Variants in ZNF569 observed in about 807,000 individuals in gnomAD.
ZNF569 encodes the protein DNA-binding protein.
ZNF569 carries 38 observed loss-of-function variants against 56.3 expected under a neutral mutation model. That is an observed-to-expected ratio of 0.68 (90% CI 0.52 to 0.88). ZNF569 has a LOEUF of 0.88. Among genes scored for constraint, ZNF569 ranks in the 40% least tolerant of loss-of-function variants. The pLI is 0.00. For missense variants in ZNF569, 666 were observed against 809.2 expected (o/e 0.82, Z 2.15); for synonymous variants, 241 against 262.9 (o/e 0.92, Z 0.81).
intron 2 of ZNF569, among the ~76,000 whole-genome samples, chr19:37,463,514 T>G (rs191154728): frequency 8.5e-5 from 13 of 152,218 alleles, no homozygotes; most frequent in African/African-American, 3.1e-4. Flanking sequence ...TATTATTGAT[T>G]ATTGATCATG....
intron 2 of ZNF569, among the ~76,000 whole-genome samples, chr19:37,464,748 C>A (rs1236443318): frequency 6.6e-6 from 1 of 152,196 alleles, no homozygotes; most frequent in Non-Finnish European, 1.5e-5. Flanking sequence ...GTATCCCCAT[C>A]ATTAAGCAAC....
At position 37,414,127 on chromosome 19, in the gene ZNF569, GC is replaced by G; in HGVS notation, c.530del (p.Ser177ThrfsTer29). The G allele has an allele frequency of 6.2e-7, 1 of 1,613,752 alleles. No individual in the cohort carries two copies. The highest frequency in any genetic ancestry group is 8.5e-7 in the Non-Finnish European group (1 of 1,179,890). ...YNEPVKSYGN[S>X]SSHFVITPFK... is the part of the protein sequence containing the mutation. Reference sequence around the variant, plus strand: ...AGGGGGTAATGACAAAATGGGATGAGCTATTACCATATGATTTCACAGGTTC... The same window carrying G: ...AGGGGGTAATGACAAAATGGGATGAGTATTACCATATGATTTCACAGGTTC... On this transcript the variant is annotated frameshift_variant, in exon 6 of 6. Coordinates refer to ENST00000316950, the MANE Select transcript of ZNF569 (RefSeq NM_152484.3). LOFTEE classifies it high-confidence loss of function.
chr19:37,467,867 G>T, upstream of ZNF569: 1 of 1,536,024 alleles, frequency 6.5e-7, no homozygotes, highest in Admixed American at 2.0e-5. Flanking sequence ...GTTTGATTCT[G>T]ACCTTGCAGT....
upstream of ZNF569, chr19:37,468,079 T>TC: frequency 2.7e-6 from 2 of 737,982 alleles, no homozygotes; most frequent in South Asian, 3.6e-5. Context: ...GTGTTTTTTT[T>TC]TTTTTGTTTG....
intron 2 of ZNF569, among the ~76,000 whole-genome samples, chr19:37,446,104 T>A (rs192191657): frequency 1.3e-5 from 2 of 152,228 alleles, no homozygotes; most frequent in Non-Finnish European, 2.9e-5. Flanking sequence ...AAAACAGGCA[T>A]ATAGACCAAT....
chr19:37,456,301 A>C lies in ZNF569; in HGVS notation c.-44+9012T>G, dbSNP rs190241083. Among the ~76,000 whole-genome samples, 400 of 152,212 alleles carry C rather than the reference A, an allele frequency of 2.6e-3. 3 individuals are homozygous for C. The highest frequency in any genetic ancestry group is 9.4e-3 in the African/African-American group (389 of 41,528). On this transcript the variant is annotated intron_variant, in intron 2 of 5. Coordinates refer to ENST00000316950, the MANE Select transcript of ZNF569 (RefSeq NM_152484.3). Reference sequence around the variant, plus strand: ...TATATCACGGACATACGGTCATTTCAATCCGTATATTTATTGTTCTCTTCT... The same window carrying C: ...TATATCACGGACATACGGTCATTTCCATCCGTATATTTATTGTTCTCTTCT...
intron 2 of ZNF569, among the ~76,000 whole-genome samples, chr19:37,453,398 A>G (rs1351746174): frequency 1.3e-5 from 2 of 152,154 alleles, no homozygotes; most frequent in African/African-American, 2.4e-5. Flanking sequence ...AAGGTGAGGA[A>G]GGGTCCAAGT....
Position 37,412,940 on chromosome 19 carries a change from G to A in ZNF569, c.1718C>T (p.Thr573Ile). The stretch of plus-strand genomic sequence containing the variant: ...ATTACATACATAGGGCTTCTCACCT[G>A]TGTGACTTCTCATATGTAAATTAAG... ...SLLNLHMRSH[T>I]GEKPYVCNEC... The change falls in exon 6 of 6, where the codon ACA (threonine) becomes ATA (isoleucine). Residue 573 changes from threonine to isoleucine, a missense_variant. Transcript: ENST00000316950. 2 of 1,613,844 alleles carry A rather than the reference G, an allele frequency of 1.2e-6. No individual in the cohort carries two copies. Among genetic ancestry groups the A allele is most frequent in the South Asian group, 2.2e-5 (2 of 91,034 alleles).
chr19:37,418,788 C>T (rs1159272708), intron 5 of ZNF569, among the ~76,000 whole-genome samples: 1 of 152,040 alleles, frequency 6.6e-6, no homozygotes, highest in African/African-American at 2.4e-5. Flanking sequence ...AGAAATGGAA[C>T]CAGATAGACT....
intron 2 of ZNF569, among the ~76,000 whole-genome samples, chr19:37,455,278 G>A (rs1015849): frequency 0.21 from 31,850 of 151,976 alleles, 3,567 homozygotes; most frequent in South Asian, 0.32. Flanking sequence ...CAGAAAAGAC[G>A]GAATTCAGTA....
Position 37,413,415 on chromosome 19 carries a change from A to G in ZNF569, c.1243T>C (p.Cys415Arg). The change falls in exon 6 of 6, where the codon TGC becomes CGC. Residue 415 changes from cysteine (C) to arginine (R), a missense_variant. Coordinates refer to ENST00000316950, the MANE Select transcript of ZNF569 (RefSeq NM_152484.3). ...TGEKPYECKE[C>R]RKAFSHKKNF... Reference sequence around the variant, plus strand: ...TTCTTGTGGCTGAAGGCTTTTCTGCATTCCTTACATTCATAGGGTTTCTCA... The same window carrying G: ...TTCTTGTGGCTGAAGGCTTTTCTGCGTTCCTTACATTCATAGGGTTTCTCA... 1 of 1,613,538 alleles carries G rather than the reference A, an allele frequency of 6.2e-7. No individual in the cohort carries two copies. Among genetic ancestry groups the G allele is most frequent in the Non-Finnish European group, 8.5e-7 (1 of 1,179,822 alleles).
At chr19:37,451,341 A>G (rs776598538) in intron 2 of ZNF569, among the ~76,000 whole-genome samples, 12 of 149,768 alleles carry the variant, frequency 8.0e-5, no homozygotes, top group Non-Finnish European at 1.8e-4. Context: ...CGGAGGTTGC[A>G]GTGAGCCGAG....
intron 5 of ZNF569, among the ~76,000 whole-genome samples, chr19:37,416,534 T>C (rs1470739883): frequency 6.6e-6 from 1 of 152,200 alleles, no homozygotes; most frequent in Non-Finnish European, 1.5e-5. Context: ...TATTTTCTTA[T>C]AACTTATGTG....
chr19:37,439,827 C>T (rs964276189), intron 3 of ZNF569, among the ~76,000 whole-genome samples: 23 of 152,166 alleles, frequency 1.5e-4, no homozygotes, highest in African/African-American at 5.1e-4. Context: ...CTCACATGTT[C>T]TCACTTATTT....
At chr19:37,464,469 C>T (rs979951818) in intron 2 of ZNF569, among the ~76,000 whole-genome samples, 21 of 152,156 alleles carry the variant, frequency 1.4e-4, no homozygotes, top group Admixed American at 1.0e-3. Flanking sequence ...GATTCCACCG[C>T]GCCTGGCCCA....
chr19:37,432,492 A>G (rs1027095604), intron 3 of ZNF569, among the ~76,000 whole-genome samples: 6 of 152,336 alleles, frequency 3.9e-5, no homozygotes, highest in Admixed American at 3.9e-4. Context: ...GGTTGCAGTG[A>G]CCAAAAACTT....
chr19:37,420,011 C>T (rs1568718782), intron 5 of ZNF569, among the ~76,000 whole-genome samples: 1 of 128,320 alleles, frequency 7.8e-6, no homozygotes. Context: ...CTCCCTCTGT[C>T]GCCCAGGCAA....
Position 37,413,110 on chromosome 19 carries a change from A to G in ZNF569, c.1548T>C (p.His516=), listed in dbSNP as rs1391834880. The change falls in exon 6 of 6, where the codon CAT becomes CAC. Residue 516 remains histidine, a synonymous_variant. Coordinates refer to ENST00000316950, the MANE Select transcript of ZNF569 (RefSeq NM_152484.3). ...TACAATCATAAGGTTTCTCTCCAGT[A>G]TGAACTTTTTGATGTGTAATGAAGT... ...KQNFITHQKV[H]TGEKPYDCNE... 2 of 1,612,622 alleles carry G rather than the reference A, an allele frequency of 1.2e-6. No homozygotes were observed. Among genetic ancestry groups the G allele is most frequent in the Non-Finnish European group, 8.5e-7 (1 of 1,179,528 alleles).
chr19:37,425,414 C>G (rs867285518), intron 5 of ZNF569, among the ~76,000 whole-genome samples: 1 of 150,174 alleles, frequency 6.7e-6, no homozygotes, highest in Non-Finnish European at 1.5e-5. Flanking sequence ...CTCTGCCTCC[C>G]GGGTTCAAGC....
Sources: allele counts gnomAD v4.1 joint callset (sites outside exome capture counted in the v4.1 genomes callset), GRCh38; gene constraint gnomAD v4.1.1; transcripts MANE v1.5; gene names NCBI Gene and HGNC (gene_info 2026-07-23, HGNC 2026-07-21).